SLF1: variants seen among roughly 807,000 people sequenced by gnomAD.
SLF1 encodes SMC5/6 complex localization factor 1.
Under a neutral mutation model 123.0 loss-of-function variants are expected in SLF1, and 105 were observed. The observed-to-expected ratio is 0.85, with a 90% confidence interval of 0.73 to 1.00. The LOEUF (loss-of-function observed/expected upper bound fraction) is 1.00, where lower values mean the gene tolerates loss of function less well. SLF1 is among the 50% of genes least tolerant of loss of function. The pLI is 0.00. For synonymous variants in SLF1, 434 were observed against 406.6 expected (o/e 1.07, Z -0.81); for missense variants, 1,239 against 1,223.0 (o/e 1.01, Z -0.20).
intron 6 of SLF1, among the ~76,000 whole-genome samples, chr5:94,651,028 A>G (rs1032429166): frequency 6.6e-6 from 1 of 152,232 alleles, no homozygotes; most frequent in Non-Finnish European, 1.5e-5. Flanking sequence ...AACGGACCCC[A>G]TATATGATAG....
intron 12 of SLF1, among the ~76,000 whole-genome samples, chr5:94,666,732 G>A (rs1040741298): frequency 6.6e-6 from 1 of 152,116 alleles, no homozygotes. Context: ...TACCTCCCAG[G>A]CTCAAGCAAT....
At chr5:94,663,454 G>A (rs1311895611) in intron 10 of SLF1, among the ~76,000 whole-genome samples, 1 of 152,212 alleles carries the variant, frequency 6.6e-6, no homozygotes, top group Admixed American at 6.5e-5. Flanking sequence ...GACCAGCCTG[G>A]CCAACATGGT....
intron 12 of SLF1, 121 bp downstream of exon 12, chr5:94,666,145 C>CA: frequency 3.1e-6 from 3 of 959,448 alleles, no homozygotes; most frequent in Non-Finnish European, 4.4e-6. Flanking sequence ...GTTGCAAATA[C>CA]AAATATGTAT....
chr5:94,666,953 C>CTTTTTTTTTT (rs34215806), intron 12 of SLF1, among the ~76,000 whole-genome samples: 1 of 104,618 alleles, frequency 9.6e-6, no homozygotes. Flanking sequence ...CTGGGAAGAT[C>CTTTTTTTTTT]TTTTTTTTTT....
chr5:94,634,349 G>C (rs527681286), intron 4 of SLF1, among the ~76,000 whole-genome samples: 2 of 151,938 alleles, frequency 1.3e-5, no homozygotes, highest in African/African-American at 4.8e-5. Context: ...CCACCATTCT[G>C]CTCTCTGCAC....
chr5:94,669,604 C>T (rs1750205465), intron 12 of SLF1, among the ~76,000 whole-genome samples: 1 of 152,086 alleles, frequency 6.6e-6, no homozygotes, highest in Non-Finnish European at 1.5e-5. Context: ...AGCCACATTT[C>T]AAGTGTCTAG....
At chr5:94,649,395 G>T in intron 5 of SLF1, 59 bp from the exon 6 acceptor site, 1 of 1,322,366 alleles carries the variant, frequency 7.6e-7, no homozygotes, top group African/African-American at 1.5e-5. Context: ...ACCATAAAAC[G>T]TACATAATAT....
rs1205994586 is a variant in SLF1, at chr5:94,629,046, GA to G, written c.115-45del. The G allele has an allele frequency of 4.7e-6, 7 of 1,473,876 alleles. No homozygotes were observed. The South Asian group carries it at 7.7e-5, about 16-fold the overall frequency. 91.3% of individuals were successfully genotyped at this position (1,473,876 alleles called of 1,614,324 possible). On this transcript the variant is annotated intron_variant, in intron 2 of 20. Transcript: ENST00000265140. Reference sequence around the variant, plus strand: ...CAATAAAAAGGATGTGTCATAAAGGGAGTCTTACTTTAGTAACATTTCTTGA... The same window carrying G: ...CAATAAAAAGGATGTGTCATAAAGGGGTCTTACTTTAGTAACATTTCTTGA...
intron 13 of SLF1, 47 bp from the exon 14 acceptor site, chr5:94,670,796 T>G: frequency 2.1e-6 from 3 of 1,398,648 alleles, no homozygotes; most frequent in Non-Finnish European, 2.9e-6. Flanking sequence ...GTAATTGTCA[T>G]GATCAAATTG....
Position 94,649,358 on chromosome 5 carries a change from A to G in SLF1, c.595-96A>G, listed in dbSNP as rs1336676590. 3 of 1,051,254 alleles carry G rather than the reference A, an allele frequency of 2.9e-6. No individual in the cohort carries two copies. The African/African-American group carries it at 4.9e-5, about 17-fold the overall frequency. The allele number at this position is 1,051,254 out of a possible 1,614,324, so 65.1% of individuals were successfully genotyped here. On this transcript the variant is annotated intron_variant, in intron 5 of 20. Coordinates refer to ENST00000265140, the MANE Select transcript of SLF1 (RefSeq NM_032290.4). ...GTGCATTTTACCTACTTGTTTGACT[A>G]ACAAAGTATTATAGTTAAAGTTGAG... is the stretch of plus-strand genomic sequence containing the variant.
chr5:94,677,590 T>G (rs978991436), intron 14 of SLF1, among the ~76,000 whole-genome samples: 3 of 152,204 alleles, frequency 2.0e-5, no homozygotes, highest in Non-Finnish European at 2.9e-5. Context: ...TAGCATTTAT[T>G]AAAATGTTTT....
rs918323092 is a variant in SLF1 at position 94,625,206 on chromosome 5, A to AT, written c.1-3605_1-3604insT. On this transcript the variant is annotated intron_variant, in intron 1 of 20. Transcript: ENST00000265140. ...AGACTCCGTCTCAAAAAAAAAAAAA[A>AT]AAATATTAAACAATAAAAAACTCTT... Among the ~76,000 whole-genome samples the AT allele has an allele frequency of 1.0e-4, 15 of 150,668 alleles. No homozygotes were observed. The South Asian group carries it at 1.0e-3, about 10-fold the overall frequency.
chr5:94,691,617 C>G lies in SLF1; in HGVS notation c.2473C>G (p.Leu825Val). The G allele has an allele frequency of 1.2e-6, 2 of 1,611,470 alleles. No individual in the cohort carries two copies. The highest frequency in any genetic ancestry group is 1.7e-6 in the Non-Finnish European group (2 of 1,179,332). ...AAATAACCAAGTGGAGAAATTGATTCTTCTTCTCTCTTTGCCAGGAATAGA... is the reference window on the plus strand; with the variant it reads ...AAATAACCAAGTGGAGAAATTGATTGTTCTTCTCTCTTTGCCAGGAATAGA... Reference protein sequence around the residue: ...CINNQVEKLILLLSLPGIDIN... With the variant: ...CINNQVEKLIVLLSLPGIDIN... Residue 825 changes from leucine to valine, a missense_variant, in exon 19 of 21, where the codon CTT becomes GTT. By Grantham distance (32) the Leu-to-Val change is conservative (BLOSUM62 1). Transcript: ENST00000265140.
intron 20 of SLF1, among the ~76,000 whole-genome samples, chr5:94,693,340 C>A (rs1052263022): frequency 8.6e-5 from 13 of 151,898 alleles, no homozygotes; most frequent in African/African-American, 2.7e-4. Flanking sequence ...TAAGTTCTAC[C>A]TCCTTAATGT....
rs772261683 is a variant in SLF1, at chr5:94,686,616, C to T, written c.2019C>T (p.Ser673=). The part of the protein sequence containing the change: ...QELEIFICSF[S]SSWLQMFVAE... ...TAGAGATTTTCATTTGCTCCTTTTC[C>T]TCCTCCTGGCTTCAAATGTTTGTTG... is the stretch of plus-strand genomic sequence containing the variant. Residue 673 remains serine, a synonymous_variant, in exon 16 of 21, where the codon TCC becomes TCT. Transcript: ENST00000265140. The T allele has an allele frequency of 6.2e-7, 1 of 1,614,024 alleles. No homozygotes were observed. Among genetic ancestry groups the T allele is most frequent in the Non-Finnish European group, 8.5e-7 (1 of 1,179,940 alleles).
At chr5:94,686,441 A>G in intron 15 of SLF1, 132 bp from the exon 16 acceptor site, 2 of 991,728 alleles carry the variant, frequency 2.0e-6, no homozygotes, top group Non-Finnish European at 2.9e-6. Flanking sequence ...TTGTGGATTA[A>G]AATCATGTGG....
intron 15 of SLF1, among the ~76,000 whole-genome samples, chr5:94,681,455 A>C (rs1456630341): frequency 2.6e-5 from 4 of 152,068 alleles, no homozygotes; most frequent in African/African-American, 4.8e-5. Context: ...TGTATTTCTA[A>C]AAATGGTTCA....
intron 5 of SLF1, among the ~76,000 whole-genome samples, chr5:94,644,531 CCTT>C (rs1561435473): frequency 6.6e-6 from 1 of 152,144 alleles, no homozygotes; most frequent in Non-Finnish European, 1.5e-5. Flanking sequence ...TATGAAAACT[CCTT>C]CTCCCAGTGT....
intron 4 of SLF1, among the ~76,000 whole-genome samples, 156 bp downstream of exon 4, chr5:94,630,899 T>A (rs1218272191): frequency 6.6e-6 from 1 of 152,244 alleles, no homozygotes; most frequent in Non-Finnish European, 1.5e-5. Context: ...TTTAGACTTA[T>A]GTGTCTTTAA....
Sources: allele counts gnomAD v4.1 joint callset (sites outside exome capture counted in the v4.1 genomes callset), GRCh38; gene constraint gnomAD v4.1.1; transcripts MANE v1.5; gene names NCBI Gene and HGNC (gene_info 2026-07-23, HGNC 2026-07-21).